The following ARPC2 variants were observed in gnomAD, a reference collection of about 807,000 sequenced individuals.
ARPC2 encodes the protein actin related protein 2/3 complex subunit 2, also known as actin-related protein 2/3 complex subunit 2.
ARPC2 carries 4 observed loss-of-function variants against 38.6 expected under a neutral mutation model. That is an observed-to-expected ratio of 0.10 (90% CI 0.05 to 0.24). The LOEUF is 0.24. ARPC2 is among the 10% of genes least tolerant of loss of function. The pLI, the probability that ARPC2 is intolerant of heterozygous loss-of-function variation, is 1.00. For missense variants in ARPC2, 229 were observed against 387.3 expected (o/e 0.59, Z 3.43); for synonymous variants, 125 against 140.8 (o/e 0.89, Z 0.79).
chr2:218,230,563 T>A (rs1165841276), intron 4 of ARPC2, among the ~76,000 whole-genome samples: 1 of 152,182 alleles, frequency 6.6e-6, no homozygotes, highest in Non-Finnish European at 1.5e-5. Flanking sequence ...CCTCCCAAAG[T>A]GCTGGGATTA....
At chr2:218,220,920 G>A (rs1275733062) in intron 2 of ARPC2, among the ~76,000 whole-genome samples, 2 of 152,174 alleles carry the variant, frequency 1.3e-5, no homozygotes, top group Non-Finnish European at 1.5e-5. Flanking sequence ...CTAAGAGAAT[G>A]TGACTGACTT....
At chr2:218,237,174 C>T (rs917490089) in intron 5 of ARPC2, among the ~76,000 whole-genome samples, 1 of 152,048 alleles carries the variant, frequency 6.6e-6, no homozygotes, top group African/African-American at 2.4e-5. Flanking sequence ...CCCCTATCTC[C>T]GCACCCCCTG....
At chr2:218,227,892 C>A (rs1689540348) in intron 3 of ARPC2, among the ~76,000 whole-genome samples, 1 of 152,178 alleles carries the variant, frequency 6.6e-6, no homozygotes, top group South Asian at 2.1e-4. Flanking sequence ...GCCACTGTGC[C>A]CGGCCTTGAC....
At chr2:218,229,880 C>A (rs1199790150) in intron 4 of ARPC2, among the ~76,000 whole-genome samples, 1 of 152,000 alleles carries the variant, frequency 6.6e-6, no homozygotes, top group Non-Finnish European at 1.5e-5. Flanking sequence ...TTTTATAAAG[C>A]TTATGAAGAA....
At chr2:218,253,787 C>G in intron 10 of ARPC2, 104 bp from the exon 11 acceptor site, 6 of 1,376,132 alleles carry the variant, frequency 4.4e-6, no homozygotes, top group Non-Finnish European at 4.9e-6. Flanking sequence ...GCCCTTTCCA[C>G]CTCTCATTTG....
In ARPC2 at chr2:218,254,147, T is replaced by G; in HGVS notation, c.*232T>G. ...AAAGAATTCCACTTGATCAACTTAA[T>G]TCCTTTTCTTTATCTTCCCTCCCTC... On this transcript the variant is annotated 3_prime_UTR_variant, in exon 11 of 11. Coordinates refer to ENST00000315717, the MANE Select transcript of ARPC2 (RefSeq NM_152862.3). The G allele has an allele frequency of 1.2e-5, 6 of 495,552 alleles. No individual in the cohort carries two copies. Among genetic ancestry groups the G allele is most frequent in the Non-Finnish European group, 1.8e-5 (5 of 284,596 alleles). 30.7% of individuals were successfully genotyped at this position (495,552 alleles called of 1,614,324 possible).
intron 4 of ARPC2, among the ~76,000 whole-genome samples, chr2:218,232,445 G>T (rs1044967485): frequency 1.3e-5 from 2 of 152,048 alleles, no homozygotes; most frequent in African/African-American, 4.8e-5. Context: ...TCTGGGGACT[G>T]GGAAGTCCAA....
intron 10 of ARPC2, among the ~76,000 whole-genome samples, chr2:218,251,811 A>ACT (rs1215210809): frequency 1.3e-5 from 2 of 151,852 alleles, no homozygotes; most frequent in Non-Finnish European, 2.9e-5. Context: ...AGGGCTTTAC[A>ACT]CTCTCTCTCT....
At chr2:218,249,737 C>A in intron 9 of ARPC2, 84 bp from the exon 10 acceptor site, 1 of 1,362,402 alleles carries the variant, frequency 7.3e-7, no homozygotes, top group Non-Finnish European at 1.0e-6. Context: ...CCCAACCGCC[C>A]TTGATGACCT....
At chr2:218,251,634 G>A (rs765458809) in intron 10 of ARPC2, among the ~76,000 whole-genome samples, 3 of 151,686 alleles carry the variant, frequency 2.0e-5, no homozygotes, top group African/African-American at 4.8e-5. Flanking sequence ...TTGTATTTTT[G>A]TAGAGACGGG....
At chr2:218,245,177 A>G (rs1690001881) in intron 7 of ARPC2, among the ~76,000 whole-genome samples, 1 of 152,238 alleles carries the variant, frequency 6.6e-6, no homozygotes, top group Non-Finnish European at 1.5e-5. Context: ...GATTATCACT[A>G]CTTTTCATCA....
chr2:218,247,305 A>G (rs1574593965), intron 8 of ARPC2, among the ~76,000 whole-genome samples: 1 of 152,210 alleles, frequency 6.6e-6, no homozygotes, highest in African/African-American at 2.4e-5. Flanking sequence ...GCACTGGCTG[A>G]TTATGATAGC....
rs753685752 is a variant in ARPC2 at position 218,228,803 on chromosome 2, A to G, written c.175A>G (p.Ile59Val). Reference protein sequence around the residue: ...NGDKTKVMVSISLKFYKELQA... With the variant: ...NGDKTKVMVSVSLKFYKELQA... Reference sequence around the variant, plus strand: ...AGACAAAACAAAAGTGATGGTCAGTATTTCTTTGAAATTCTACAAGGAACT... The same window carrying G: ...AGACAAAACAAAAGTGATGGTCAGTGTTTCTTTGAAATTCTACAAGGAACT... The change falls in exon 4 of 11, where the codon ATT (isoleucine) becomes GTT (valine). Residue 59 changes from isoleucine to valine, a missense_variant. Ile to Val is a conservative substitution (Grantham distance 29). Coordinates refer to ENST00000315717, the MANE Select transcript of ARPC2 (RefSeq NM_152862.3). The G allele has an allele frequency of 3.1e-6, 5 of 1,611,504 alleles. No individual in the cohort carries two copies. The highest frequency in any genetic ancestry group is 4.2e-6 in the Non-Finnish European group (5 of 1,177,670).
At chr2:218,232,311 C>G (rs1228384028) in intron 4 of ARPC2, among the ~76,000 whole-genome samples, 2 of 152,150 alleles carry the variant, frequency 1.3e-5, no homozygotes, top group Admixed American at 6.5e-5. Context: ...GAAGCAGTTT[C>G]CACCAGGTGA....
chr2:218,231,784 G>C (rs1553647366), intron 4 of ARPC2, among the ~76,000 whole-genome samples: 1 of 152,190 alleles, frequency 6.6e-6, no homozygotes, highest in Non-Finnish European at 1.5e-5. Flanking sequence ...TAGGAAAATG[G>C]TTAAATAAAT....
chr2:218,253,086 G>A, intron 10 of ARPC2: 1 of 431,984 alleles, frequency 2.3e-6, no homozygotes, highest in South Asian at 1.6e-5. Flanking sequence ...ACCCTCGATG[G>A]GCCGCCCAGA....
chr2:218,254,044 C>G lies in ARPC2; in HGVS notation c.*129C>G. The G allele has an allele frequency of 8.0e-7, 1 of 1,250,544 alleles. No individual in the cohort carries two copies. Among genetic ancestry groups the G allele is most frequent in the Non-Finnish European group, 1.1e-6 (1 of 883,066 alleles). 77.5% of individuals were successfully genotyped at this position (1,250,544 alleles called of 1,614,324 possible). A position where few individuals can be genotyped will look rare whatever the true frequency, so the allele number is the denominator to read the frequency against. On this transcript the variant is annotated 3_prime_UTR_variant, in exon 11 of 11. Coordinates refer to ENST00000315717, the MANE Select transcript of ARPC2 (RefSeq NM_152862.3). ...TTCTCCGTTTTGGTTCCATTTTGTA[C>G]ACGTTTGGAAAATAATCTGCAGAAA...
chr2:218,228,018 A>T (rs116555297), intron 3 of ARPC2, among the ~76,000 whole-genome samples: 5,835 of 152,292 alleles, frequency 0.038, 172 homozygotes, highest in Middle Eastern at 0.071. Flanking sequence ...CTGAGTATTT[A>T]TGGATGAAAT....
chr2:218,231,074 G>T (rs1383121351), intron 4 of ARPC2, among the ~76,000 whole-genome samples: 1 of 152,100 alleles, frequency 6.6e-6, no homozygotes, highest in Admixed American at 6.6e-5. Flanking sequence ...ACAGTAAATG[G>T]CTCCCTGGGT....
Sources: gnomAD v4.1 joint callset for allele counts (sites outside exome capture counted in the v4.1 genomes callset) on GRCh38, gnomAD v4.1.1 for gene constraint, MANE v1.5 for transcripts, NCBI Gene and HGNC (gene_info 2026-07-23, HGNC 2026-07-21) for gene names.